Variants in ABCA9 observed in about 807,000 individuals in gnomAD.
ABCA9 encodes the protein ATP-binding cassette sub-family A member 9.
Under a neutral mutation model 205.3 loss-of-function variants are expected in ABCA9, and 183 were observed. The observed-to-expected ratio is 0.89, with a 90% CI of 0.79 to 1.01. The LOEUF is 1.01. ABCA9 is among the 50% of genes least tolerant of loss of function. The probability of loss-of-function intolerance (pLI) is 0.00; values close to 1 mark genes in which losing one functional copy is unlikely to be tolerated. For synonymous variants in ABCA9, 651 were observed against 683.3 expected, an observed-to-expected ratio of 0.95 and a Z score of 0.74; for missense variants, 1,805 against 1,912.4, an observed-to-expected ratio of 0.94 and a Z score of 1.05.
chr17:69,044,798 A>G (rs2071656710), intron 4 of ABCA9, among the ~76,000 whole-genome samples, 198 bp from the exon 5 acceptor site: 1 of 152,216 alleles, frequency 6.6e-6, no homozygotes, highest in South Asian at 2.1e-4. Context: ...CCAGTTCTCA[A>G]TGATTTTTCA....
chr17:69,020,665 A>G (rs1047847899), intron 18 of ABCA9, 79 bp from the exon 19 acceptor site: 2 of 1,375,782 alleles, frequency 1.5e-6, no homozygotes, highest in Non-Finnish European at 1.0e-6. Context: ...AAATTTTCCT[A>G]CAAAGGTGTC....
At chr17:69,060,986 C>T (rs753795555), upstream of ABCA9, 9 of 985,388 alleles carry the variant, frequency 9.1e-6, no homozygotes, top group Non-Finnish European at 1.1e-5. Flanking sequence ...ATTTCACATT[C>T]ATTGTGAATA....
intron 25 of ABCA9, among the ~76,000 whole-genome samples, chr17:68,997,002 C>T (rs954522063): frequency 1.3e-5 from 2 of 152,242 alleles, no homozygotes; most frequent in African/African-American, 4.8e-5. Flanking sequence ...ACAATCTCAG[C>T]TCACTGCAAC....
At chr17:69,063,447 G>A (rs1265917855), upstream of ABCA9, among the ~76,000 whole-genome samples, 1 of 152,138 alleles carries the variant, frequency 6.6e-6, no homozygotes, top group African/African-American at 2.4e-5. Context: ...AGGATGAAGC[G>A]GTCCAGCTGC....
At chr17:68,979,301 A>G (rs1279796387) in intron 37 of ABCA9, among the ~76,000 whole-genome samples, 1 of 152,096 alleles carries the variant, frequency 6.6e-6, no homozygotes, top group African/African-American at 2.4e-5. Flanking sequence ...AACAAATGGA[A>G]GAACGTTCCA....
rs115988471 is a variant in ABCA9 at position 69,056,986 on chromosome 17, C to T, written c.-14+3880G>A. On this transcript the variant is annotated intron_variant, in intron 1 of 38. Coordinates refer to ENST00000340001, the MANE Select transcript of ABCA9 (RefSeq NM_080283.4). ...GGTGTGAAAATGCATTTTGGGGAGA[C>T]GGTATGGGCATAAAAATGTAATTAT... is the stretch of plus-strand genomic sequence containing the variant. Among the ~76,000 whole-genome samples the T allele has an allele frequency of 4.5e-3, 678 of 152,084 alleles. 11 individuals are homozygous for T. The highest frequency in any genetic ancestry group is 0.016 in the African/African-American group (644 of 41,474).
intron 37 of ABCA9, among the ~76,000 whole-genome samples, chr17:68,980,304 T>G (rs1319144513): frequency 6.6e-6 from 1 of 152,126 alleles, no homozygotes; most frequent in Admixed American, 6.5e-5. Flanking sequence ...GGAGAGGATG[T>G]GGAGAAACAG....
At chr17:69,056,425 T>C (rs1044999159) in intron 1 of ABCA9, among the ~76,000 whole-genome samples, 1 of 152,164 alleles carries the variant, frequency 6.6e-6, no homozygotes, top group Admixed American at 6.5e-5. Flanking sequence ...ATGAAACGAA[T>C]CAGTTCCTTC....
In ABCA9 at chr17:69,035,717, G is replaced by T. The variant is rs139438969; in HGVS notation, c.885C>A (p.Val295=). The change falls in exon 7 of 39, where the codon GTC becomes GTA. Residue 295 remains valine, a synonymous_variant. Coordinates refer to ENST00000340001, the MANE Select transcript of ABCA9 (RefSeq NM_080283.4). ...MALIVKSAQI[V]VLTGFVMVFT... Reference sequence around the variant, plus strand: ...AGACCATCACAAAACCAGTCAGGACGACAATTTGTGCAGATTTTACAATAA... The same window carrying T: ...AGACCATCACAAAACCAGTCAGGACTACAATTTGTGCAGATTTTACAATAA... 56 of 1,613,506 alleles carry T rather than the reference G, an allele frequency of 3.5e-5. No individual in the cohort carries two copies. The highest frequency in any genetic ancestry group is 4.3e-5 in the Non-Finnish European group (51 of 1,179,786).
chr17:69,003,655 A>T (rs1015462098), intron 25 of ABCA9, among the ~76,000 whole-genome samples: 7 of 148,510 alleles, frequency 4.7e-5, no homozygotes, highest in African/African-American at 1.3e-4. Flanking sequence ...CTGAATCTGA[A>T]CGTTGGCCTG....
intron 6 of ABCA9, among the ~76,000 whole-genome samples, chr17:69,041,863 C>T (rs1268386458): frequency 6.6e-6 from 1 of 152,066 alleles, no homozygotes. Flanking sequence ...TCATCTTCTC[C>T]ACTTCTCCAC....
Position 69,050,898 on chromosome 17 carries a change from GA to G in ABCA9, c.96+132del, listed in dbSNP as rs1555639742. The G allele has an allele frequency of 5.0e-5, 35 of 697,474 alleles. No individual in the cohort carries two copies. In the East Asian group the frequency reaches 1.0e-3, roughly 20 times the overall value. 43.2% of individuals were successfully genotyped at this position (697,474 alleles called of 1,614,324 possible). A position where few individuals can be genotyped will look rare whatever the true frequency, so the allele number is the denominator to read the frequency against. On this transcript the variant is annotated intron_variant, in intron 2 of 38. Coordinates refer to ENST00000340001, the MANE Select transcript of ABCA9 (RefSeq NM_080283.4). The stretch of plus-strand genomic sequence containing the variant: ...GAACAAATAGCAAAGCCCAGAATTT[GA>G]AAAAAAATCTAGCTTGTTAATTAGA...
intron 18 of ABCA9, 41 bp from the exon 19 acceptor site, chr17:69,020,627 T>C: frequency 6.4e-7 from 1 of 1,571,624 alleles, no homozygotes; most frequent in Non-Finnish European, 8.7e-7. Context: ...GCCATTTTAG[T>C]TATGCATTAT....
chr17:68,993,048 C>T lies in ABCA9; in HGVS notation c.3592G>A (p.Glu1198Lys), dbSNP rs772571287. Reference protein sequence around the residue: ...PDSMDYLGASESEIVYLALLI... With the variant: ...PDSMDYLGASKSEIVYLALLI... ...AGTGCCAGGTATACAATTTCAGATT[C>T]TGAAGCTCCTAAGTAATCCATGGAA... The change falls in exon 27 of 39, where the codon GAA becomes AAA. Residue 1198 changes from glutamate to lysine, a missense_variant. Glu to Lys is a moderately conservative substitution (Grantham distance 56). Transcript: ENST00000340001. The T allele has an allele frequency of 2.4e-5, 38 of 1,613,548 alleles. No homozygotes were observed. Among genetic ancestry groups the T allele is most frequent in the Non-Finnish European group, 3.1e-5 (37 of 1,179,816 alleles).
chr17:69,026,737 A>G (rs987388822), intron 15 of ABCA9, among the ~76,000 whole-genome samples: 1 of 152,212 alleles, frequency 6.6e-6, no homozygotes, highest in African/African-American at 2.4e-5. Flanking sequence ...GCCTAAAACA[A>G]ATTGTATCTT....
Position 69,035,693 on chromosome 17 carries a change from G to A in ABCA9, c.909C>T (p.Val303=), listed in dbSNP as rs760696753. The change falls in exon 7 of 39, where the codon GTC becomes GTT. Residue 303 remains valine (V), a synonymous_variant. Transcript: ENST00000340001. ...QIVVLTGFVM[V]FTLFLLYGLS... is the part of the protein sequence containing the mutation. ...GGCCATAGAGGAGAAAGAGGGTGAA[G>A]ACCATCACAAAACCAGTCAGGACGA... 35 of 1,606,276 alleles carry A rather than the reference G, an allele frequency of 2.2e-5. No homozygotes were observed. The highest frequency in any genetic ancestry group is 2.9e-5 in the Non-Finnish European group (34 of 1,173,340).
intron 16 of ABCA9, 130 bp downstream of exon 16, chr17:69,026,247 T>C (rs759732306): frequency 3.0e-6 from 2 of 675,502 alleles, no homozygotes; most frequent in Non-Finnish European, 5.1e-6. Context: ...AATTATGCCT[T>C]AGTTCTACCA....
At chr17:69,048,245 C>T (rs994826112) in intron 3 of ABCA9, among the ~76,000 whole-genome samples, 1 of 152,092 alleles carries the variant, frequency 6.6e-6, no homozygotes, top group Non-Finnish European at 1.5e-5. Flanking sequence ...AGAGTCAAAC[C>T]TATCATGAGG....
chr17:69,040,450 A>G (rs145312014), intron 6 of ABCA9, among the ~76,000 whole-genome samples: 2,870 of 152,348 alleles, frequency 0.019, 74 homozygotes, highest in African/African-American at 0.065. Context: ...AAACTATCAC[A>G]GGAACAGAAC....
Sources: gnomAD v4.1 joint callset for allele counts (sites outside exome capture counted in the v4.1 genomes callset) on GRCh38, gnomAD v4.1.1 for gene constraint, MANE v1.5 for transcripts, NCBI Gene and HGNC (gene_info 2026-07-23, HGNC 2026-07-21) for gene names.